The following MYRFL variants were observed in gnomAD, a reference collection of about 807,000 sequenced individuals.
MYRFL encodes myelin regulatory factor-like protein.
MYRFL carries 88 observed loss-of-function variants against 109.4 expected under a neutral mutation model. The observed-to-expected ratio is 0.80, with a 90% CI of 0.68 to 0.96. The LOEUF (loss-of-function observed/expected upper bound fraction) is 0.96. MYRFL is among the 40% of genes least tolerant of loss of function. The probability of loss-of-function intolerance (pLI) is 0.00; values close to 1 mark genes in which losing one functional copy is unlikely to be tolerated. For missense variants in MYRFL, 957 were observed against 954.9 expected (o/e 1.00, Z -0.03); for synonymous variants, 324 against 320.9 (o/e 1.01, Z -0.10).
chr12:69,886,685 T>A (rs1411359965), intron 5 of MYRFL, 135 bp from the exon 6 acceptor site: 25 of 1,077,324 alleles, frequency 2.3e-5, no homozygotes, highest in Non-Finnish European at 3.0e-5. Context: ...GCAACACACC[T>A]CCTACCCCCA....
chr12:69,891,609 TTC>T (rs1433609589), intron 7 of MYRFL, among the ~76,000 whole-genome samples: 1 of 105,650 alleles, frequency 9.5e-6, no homozygotes, highest in African/African-American at 4.7e-5. Flanking sequence ...TTCTTTCTCT[TTC>T]TTTCTTTCTT....
intron 13 of MYRFL, among the ~76,000 whole-genome samples, chr12:69,917,383 CTTTTTTTTTT>C (rs56118035): frequency 2.0e-5 from 2 of 102,510 alleles, no homozygotes; most frequent in Non-Finnish European, 3.6e-5. Flanking sequence ...TATTCACTGA[CTTTTTTTTTT>C]TTTTTTTTTT....
chr12:69,887,819 A>G (rs1266441533), intron 6 of MYRFL, among the ~76,000 whole-genome samples: 1 of 152,210 alleles, frequency 6.6e-6, no homozygotes, highest in African/African-American at 2.4e-5. Context: ...TTAATAAGCT[A>G]AAGGAAGCTC....
rs111508246 is a variant in MYRFL at position 69,945,854 on chromosome 12, G to A, written c.2225-6259G>A. ...TACAAAAAATTAGCCGGGCGTAGTG[G>A]CGGGCGCCTGTAGTCCCAGCTACTT... On this transcript the variant is annotated intron_variant, in intron 19 of 24. Coordinates refer to ENST00000552032, the MANE Select transcript of MYRFL (RefSeq NM_182530.3). Among the ~76,000 whole-genome samples the A allele has an allele frequency of 9.0e-3, 1,343 of 148,808 alleles. 22 individuals carry two copies. The highest frequency in any genetic ancestry group is 0.031 in the African/African-American group (1,259 of 40,804).
intron 19 of MYRFL, among the ~76,000 whole-genome samples, chr12:69,943,684 G>T (rs1170309782): frequency 1.4e-5 from 2 of 144,246 alleles, no homozygotes; most frequent in East Asian, 4.1e-4. Flanking sequence ...TTGACAAATG[G>T]GATCTAATTA....
chr12:69,932,576 CTGAT>C lies in MYRFL; in HGVS notation c.1897_1900del (p.Ile633LeufsTer2). On this transcript the variant is annotated frameshift_variant, in exon 16 of 25. Transcript: ENST00000552032. LOFTEE classifies it high-confidence loss of function. Reference sequence around the variant, plus strand: ...GGTTTTCCAGACCTTGGTTATAACTCTGATTGCTGTGATGGCATTTTGGTAAGAA... The same window carrying C: ...GGTTTTCCAGACCTTGGTTATAACTCTGCTGTGATGGCATTTTGGTAAGAA... The C allele has an allele frequency of 1.3e-6, 2 of 1,535,930 alleles. No individual in the cohort carries two copies. The highest frequency in any genetic ancestry group is 1.7e-6 in the Non-Finnish European group (2 of 1,146,784).
At chr12:69,879,978 T>C (rs1032187168) in intron 4 of MYRFL, among the ~76,000 whole-genome samples, 1 of 152,232 alleles carries the variant, frequency 6.6e-6, no homozygotes, top group Non-Finnish European at 1.5e-5. Context: ...CCTGTCTCAA[T>C]GAGTCCTCTG....
At chr12:69,847,172 G>C (rs1414651404) in intron 1 of MYRFL, among the ~76,000 whole-genome samples, 2 of 152,106 alleles carry the variant, frequency 1.3e-5, no homozygotes, top group Non-Finnish European at 2.9e-5. Context: ...TAAGACAAAG[G>C]CTTAGTCAGA....
chr12:69,878,525 G>A (rs1398531396), intron 2 of MYRFL, among the ~76,000 whole-genome samples: 1 of 151,944 alleles, frequency 6.6e-6, no homozygotes, highest in Non-Finnish European at 1.5e-5. Context: ...TATATTTGGG[G>A]GTAAATGTGA....
At chr12:69,943,055 A>G (rs1347693026) in intron 19 of MYRFL, among the ~76,000 whole-genome samples, 2 of 151,220 alleles carry the variant, frequency 1.3e-5, no homozygotes, top group African/African-American at 2.5e-5. Context: ...ATGGAAGAAC[A>G]TTCCATGCTC....
Position 69,910,077 on chromosome 12 carries a change from G to A in MYRFL, c.1492G>A (p.Gly498Arg), listed in dbSNP as rs1343710573. Residue 498 changes from glycine (G) to arginine (R), a missense_variant and splice_region_variant, in exon 12 of 25, where the codon GGA (glycine) becomes AGA (arginine). Coordinates refer to ENST00000552032, the MANE Select transcript of MYRFL (RefSeq NM_182530.3). Reference sequence around the variant, plus strand: ...GGGAATAAACACTGCCCATCAAACAGGTACACACACAAATTCCCCTTTTAA... The same window carrying A: ...GGGAATAAACACTGCCCATCAAACAAGTACACACACAAATTCCCCTTTTAA... ...AMGINTAHQTGMIAQEVQEIL... is the reference protein window; with the variant it reads ...AMGINTAHQTRMIAQEVQEIL... The A allele has an allele frequency of 2.0e-6, 3 of 1,498,880 alleles. No homozygotes were observed. Among genetic ancestry groups the A allele is most frequent in the African/African-American group, 1.4e-5 (1 of 70,912 alleles). The allele number at this position is 1,498,880 out of a possible 1,614,324, so 92.8% of individuals were successfully genotyped here.
At chr12:69,957,046 A>T (rs1956113273) in intron 22 of MYRFL, among the ~76,000 whole-genome samples, 1 of 132,594 alleles carries the variant, frequency 7.5e-6, no homozygotes, top group South Asian at 2.4e-4. Context: ...AATAACATAC[A>T]TACTCAACTG....
chr12:69,884,807 T>C (rs1267339248), intron 5 of MYRFL, among the ~76,000 whole-genome samples: 2 of 152,240 alleles, frequency 1.3e-5, no homozygotes, highest in Non-Finnish European at 2.9e-5. Context: ...TGGTAGACAC[T>C]GTGCTCTGCG....
intron 6 of MYRFL, 88 bp from the exon 7 acceptor site, chr12:69,890,883 T>C: frequency 1.9e-6 from 2 of 1,028,182 alleles, no homozygotes; most frequent in Non-Finnish European, 2.5e-6. Flanking sequence ...GTACGTTTTC[T>C]TGAAATGTTT....
chr12:69,855,130 A>G (rs1333205631), intron 1 of MYRFL, 150 bp from the exon 2 acceptor site: 2 of 462,770 alleles, frequency 4.3e-6, no homozygotes, highest in Non-Finnish European at 7.7e-6. Flanking sequence ...CATTGAATCA[A>G]TGTTTACTTT....
chr12:69,836,596 T>C (rs1882956470), intron 1 of MYRFL, among the ~76,000 whole-genome samples: 1 of 152,212 alleles, frequency 6.6e-6, no homozygotes, highest in Non-Finnish European at 1.5e-5. Flanking sequence ...ATGAGCAGGC[T>C]AATTCCAGTC....
intron 15 of MYRFL, among the ~76,000 whole-genome samples, chr12:69,929,100 CAT>C (rs1406380295): frequency 1.3e-5 from 2 of 152,130 alleles, no homozygotes. Context: ...CAAATGAATA[CAT>C]GAGTGGAGAG....
rs1329958430 is a variant in MYRFL at position 69,903,653 on chromosome 12, C to T, written c.1192C>T (p.Pro398Ser). The change falls in exon 11 of 25, where the codon CCT (proline) becomes TCT (serine). Residue 398 changes from proline (P) to serine (S), a missense_variant. Physicochemically the swap from Pro to Ser is moderately conservative, Grantham distance 74. Transcript: ENST00000552032. Reference protein sequence around the residue: ...SERIIVRASNPGQFENDSDAL... With the variant: ...SERIIVRASNSGQFENDSDAL... ...TTATGTATTTTTCCAGGCCTCTAAC[C>T]CTGGGCAGTTTGAAAATGACAGTGA... 1.1e-5 allele frequency: 17 copies of T among 1,535,638 alleles called. No individual in the cohort carries two copies. Among genetic ancestry groups the T allele is most frequent in the Non-Finnish European group, 1.5e-5 (17 of 1,146,670 alleles).
At chr12:69,876,941 A>G (rs1565988079) in intron 2 of MYRFL, among the ~76,000 whole-genome samples, 1 of 151,484 alleles carries the variant, frequency 6.6e-6, no homozygotes, top group South Asian at 2.1e-4. Context: ...AACCTTTCCA[A>G]CTTCTGTTGG....
Sources: gnomAD v4.1 joint callset for allele counts (sites outside exome capture counted in the v4.1 genomes callset) on GRCh38, gnomAD v4.1.1 for gene constraint, MANE v1.5 for transcripts, NCBI Gene and HGNC (gene_info 2026-07-23, HGNC 2026-07-21) for gene names.